Variants in PLOD2 observed in about 807,000 individuals in gnomAD.
PLOD2 encodes procollagen-lysine,2-oxoglutarate 5-dioxygenase 2.
In PLOD2, 65 loss-of-function variants were observed where a neutral mutation model predicts 101.0. The ratio of observed to expected loss-of-function variants is 0.64; its 90% CI spans 0.53 to 0.79. PLOD2 has a LOEUF of 0.79. PLOD2 is among the 30% of genes least tolerant of loss of function. The probability of loss-of-function intolerance (pLI) is 0.00; values close to 1 mark genes in which losing one functional copy is unlikely to be tolerated. For missense variants in PLOD2, 909 were observed against 914.6 expected (o/e 0.99, Z 0.08); for synonymous variants, 314 against 302.9 (o/e 1.04, Z -0.38).
chr3:146,137,907 A>G (rs957020567), intron 1 of PLOD2, among the ~76,000 whole-genome samples: 2 of 152,312 alleles, frequency 1.3e-5, no homozygotes, highest in African/African-American at 2.4e-5. Flanking sequence ...GATAAATCAC[A>G]GGAGGAAGAA....
chr3:146,089,281 T>C (rs1475466851), intron 8 of PLOD2, among the ~76,000 whole-genome samples: 1 of 151,556 alleles, frequency 6.6e-6, no homozygotes, highest in Non-Finnish European at 1.5e-5. Context: ...ATATATTTTC[T>C]TAAGTTCTCT....
intron 4 of PLOD2, among the ~76,000 whole-genome samples, chr3:146,108,571 A>C (rs975521455): frequency 2.6e-5 from 4 of 152,202 alleles, no homozygotes; most frequent in African/African-American, 9.7e-5. Context: ...GAAATTATTC[A>C]AACTTTTATT....
At chr3:146,127,298 G>A (rs993124218) in intron 1 of PLOD2, among the ~76,000 whole-genome samples, 2 of 152,064 alleles carry the variant, frequency 1.3e-5, no homozygotes, top group Non-Finnish European at 2.9e-5. Context: ...GTACCCAACA[G>A]GTAACTTTTC....
At chr3:146,081,903 T>C (rs1288404218) in intron 11 of PLOD2, 40 bp from the exon 12 acceptor site, 2 of 1,541,948 alleles carry the variant, frequency 1.3e-6, no homozygotes, top group Non-Finnish European at 1.8e-6. Flanking sequence ...GAGAAACCTA[T>C]ATAATTATTT....
At chr3:146,084,153 A>T (rs989086488) in intron 11 of PLOD2, among the ~76,000 whole-genome samples, 3 of 152,144 alleles carry the variant, frequency 2.0e-5, no homozygotes, top group African/African-American at 7.2e-5. Context: ...ACACTATTTC[A>T]TATCTCTAGG....
Position 146,086,794 on chromosome 3 carries a change from T to A in PLOD2, c.1120A>T (p.Met374Leu). Residue 374 changes from methionine to leucine, a missense_variant, in exon 10 of 20, where the codon ATG becomes TTG. Met to Leu is a conservative substitution (Grantham distance 15, BLOSUM62 2). Coordinates refer to ENST00000282903, the MANE Select transcript of PLOD2 (RefSeq NM_182943.3). ...ENLSQAEARN[M>L]GMDFCRQDEK... Reference sequence around the variant, plus strand: ...TAATTTATTAAAACATACATTCCCATGTTTCTGGCTTCCGCTTGACTTAGA... The same window carrying A: ...TAATTTATTAAAACATACATTCCCAAGTTTCTGGCTTCCGCTTGACTTAGA... 6.8e-7 allele frequency: 1 copy of A among 1,467,358 alleles called. No individual in the cohort carries two copies. The highest frequency in any genetic ancestry group is 9.2e-7 in the Non-Finnish European group (1 of 1,082,674). 90.9% of individuals were successfully genotyped at this position (1,467,358 alleles called of 1,614,324 possible).
chr3:146,095,268 A>G (rs1937109263), intron 7 of PLOD2, among the ~76,000 whole-genome samples: 1 of 151,906 alleles, frequency 6.6e-6, no homozygotes, highest in African/African-American at 2.4e-5. Flanking sequence ...AACCATCATC[A>G]GAGTGAACAG....
intron 4 of PLOD2, among the ~76,000 whole-genome samples, chr3:146,108,576 T>A (rs1937575672): frequency 6.6e-6 from 1 of 152,180 alleles, no homozygotes; most frequent in Non-Finnish European, 1.5e-5. Flanking sequence ...TATTCAAACT[T>A]TTATTAAACA....
intron 3 of PLOD2, among the ~76,000 whole-genome samples, chr3:146,115,050 G>A (rs1269521706): frequency 1.3e-5 from 2 of 152,098 alleles, no homozygotes; most frequent in African/African-American, 2.4e-5. Flanking sequence ...TGCGGCTTGG[G>A]GGGCAGCACG....
intron 7 of PLOD2, among the ~76,000 whole-genome samples, chr3:146,092,309 A>G (rs779461932): frequency 1.3e-5 from 2 of 152,086 alleles, no homozygotes; most frequent in Non-Finnish European, 2.9e-5. Flanking sequence ...AAGGCTGAGC[A>G]CAGACACCTA....
At chr3:146,120,166 T>C (rs1483555117) in intron 3 of PLOD2, among the ~76,000 whole-genome samples, 1 of 152,192 alleles carries the variant, frequency 6.6e-6, no homozygotes, top group African/African-American at 2.4e-5. Context: ...CTCATTGTGG[T>C]TTTGATTTGC....
At position 146,133,019 on chromosome 3, in the gene PLOD2, C is replaced by CA. The variant is rs1243099809; in HGVS notation, c.110-8791dup. Among the ~76,000 whole-genome samples the CA allele has an allele frequency of 4.0e-5, 6 of 151,824 alleles. No individual in the cohort carries two copies. The East Asian group carries it at 9.7e-4, about 25-fold the overall frequency. ...TGAAACCCGGTCTCTACTAAAAATA[C>CA]AAAAAAATTAGCCGGGTGTGGTGGC... On this transcript the variant is annotated intron_variant, in intron 1 of 19. Transcript: ENST00000282903.
chr3:146,096,770 C>CG (rs930670820), intron 7 of PLOD2, among the ~76,000 whole-genome samples: 3 of 149,438 alleles, frequency 2.0e-5, no homozygotes, highest in African/African-American at 7.4e-5. Flanking sequence ...GTCAGCCCCC[C>CG]GCCCAGCCAG....
At chr3:146,146,379 A>T (rs923532995) in intron 1 of PLOD2, among the ~76,000 whole-genome samples, 1 of 152,182 alleles carries the variant, frequency 6.6e-6, no homozygotes, top group Non-Finnish European at 1.5e-5. Context: ...GTGAGATTTG[A>T]AAAACAGATG....
chr3:146,154,764 A>C (rs1266912724), intron 1 of PLOD2, among the ~76,000 whole-genome samples: 1 of 152,210 alleles, frequency 6.6e-6, no homozygotes, highest in Non-Finnish European at 1.5e-5. Flanking sequence ...TATTTTCCTA[A>C]ATCTGCCACA....
intron 1 of PLOD2, among the ~76,000 whole-genome samples, chr3:146,148,552 C>T (rs2031907231): frequency 6.6e-6 from 1 of 152,170 alleles, no homozygotes; most frequent in Non-Finnish European, 1.5e-5. Context: ...ATCAAGAAAG[C>T]AAACACTCCT....
At chr3:146,135,765 A>C (rs1280045552) in intron 1 of PLOD2, among the ~76,000 whole-genome samples, 1 of 152,100 alleles carries the variant, frequency 6.6e-6, no homozygotes, top group Non-Finnish European at 1.5e-5. Context: ...ATCTTTTTAA[A>C]ATTTTTGTAT....
At chr3:146,119,804 G>C (rs1559859409) in intron 3 of PLOD2, among the ~76,000 whole-genome samples, 1 of 152,108 alleles carries the variant, frequency 6.6e-6, no homozygotes, top group Admixed American at 6.5e-5. Context: ...AGTATTCCAT[G>C]GTGTGTATGT....
chr3:146,070,743 T>G lies in PLOD2; in HGVS notation c.2251A>C (p.Ile751Leu). 6.2e-7 allele frequency: 1 copy of G among 1,607,654 alleles called. No homozygotes were observed. The highest frequency in any genetic ancestry group is 1.1e-5 in the South Asian group (1 of 90,896). ...GLPVKNGTRYIAVSFIDP is the reference protein window; with the variant it reads ...GLPVKNGTRYLAVSFIDP ...TAGGGATCTATAAATGACACTGCAA[T>G]GTATCTTGTTCCATTTTTAACAGGA... Residue 751 changes from isoleucine (I) to leucine (L), a missense_variant, in exon 20 of 20, where the codon ATT becomes CTT. Physicochemically the swap from Ile to Leu is conservative, Grantham distance 5 (BLOSUM62 2). Coordinates refer to ENST00000282903, the MANE Select transcript of PLOD2 (RefSeq NM_182943.3).
Sources: allele counts gnomAD v4.1 joint callset (sites outside exome capture counted in the v4.1 genomes callset), GRCh38; gene constraint gnomAD v4.1.1; transcripts MANE v1.5; gene names NCBI Gene and HGNC (gene_info 2026-07-23, HGNC 2026-07-21).